Variants in GATA2 observed in about 807,000 individuals in gnomAD.
GATA2 encodes the protein endothelial transcription factor GATA-2.
A neutral mutation model predicts 35.7 loss-of-function variants in GATA2; 6 were observed. The observed-to-expected ratio is 0.17, with a 90% CI of 0.09 to 0.33. The LOEUF (loss-of-function observed/expected upper bound fraction) is 0.33, where lower values mean the gene tolerates loss of function less well. GATA2 is among the 10% of genes least tolerant of loss of function. GATA2 has a pLI of 1.00. For missense variants in GATA2, 541 were observed against 656.6 expected (o/e 0.82, Z 1.92); for synonymous variants, 313 against 274.9 (o/e 1.14, Z -1.37).
At position 128,486,951 on chromosome 3, in the gene GATA2, C is replaced by A; in HGVS notation, c.81G>T (p.Pro27=). 6.2e-7 allele frequency: 1 copy of A among 1,612,678 alleles called. No homozygotes were observed. Residue 27 remains proline (P), a synonymous_variant, in exon 2 of 6, where the codon CCG becomes CCT. Transcript: ENST00000341105. The stretch of plus-strand genomic sequence containing the variant: ...GTTCCATGTAGTTGTGCGCCAGGCC[C>A]GGGTGGTGTGAGTCGGGGTGCTGCG... ...LNAQHPDSHH[P]GLAHNYMEPA... is the part of the protein sequence containing the mutation.
At chr3:128,481,536 C>G (rs2068628235) in intron 5 of GATA2, among the ~76,000 whole-genome samples, 1 of 152,246 alleles carries the variant, frequency 6.6e-6, no homozygotes, top group Non-Finnish European at 1.5e-5. Context: ...GCTCTGCCCA[C>G]CGCATGCCAG....
At chr3:128,491,215 C>CG (rs1316353427) in intron 1 of GATA2, among the ~76,000 whole-genome samples, 1 of 122,196 alleles carries the variant, frequency 8.2e-6, no homozygotes, top group Non-Finnish European at 1.7e-5. Flanking sequence ...CCAGCCCCCC[C>CG]CCCCCTCTGA....
intron 4 of GATA2, among the ~76,000 whole-genome samples, chr3:128,482,539 A>C (rs1163715086): frequency 6.6e-6 from 1 of 152,248 alleles, no homozygotes; most frequent in African/African-American, 2.4e-5. Flanking sequence ...TGCACGAGCC[A>C]CATTTCAAGT....
At chr3:128,486,618 G>A (rs2068703196) in intron 2 of GATA2, among the ~76,000 whole-genome samples, 185 bp downstream of exon 2, 1 of 152,102 alleles carries the variant, frequency 6.6e-6, no homozygotes, top group Non-Finnish European at 1.5e-5. Flanking sequence ...GCTGGAAGTG[G>A]GCAGAAACCC....
rs1238679450 is a variant in GATA2, at chr3:128,481,081, G to A, written c.1381C>T (p.Pro461Ser). Reference protein sequence around the residue: ...HILPTPTPIHPSSSLSFGHPH... With the variant: ...HILPTPTPIHSSSSLSFGHPH... ...TGGCCGAAGGAGAGGCTGGAGGAGG[G>A]GTGGATGGGCGTCGGAGTGGGCAGG... The change falls in exon 6 of 6, where the codon CCC becomes TCC. Residue 461 changes from proline (P) to serine (S), a missense_variant. Pro to Ser is a moderately conservative substitution (Grantham distance 74). Around this residue, in one of 5 missense-constraint regions of GATA2, gnomAD observed 95 missense variants for 114.0 expected, o/e 0.83. Transcript: ENST00000341105. The A allele has an allele frequency of 6.2e-6, 10 of 1,608,140 alleles. No individual in the cohort carries two copies. Among genetic ancestry groups the A allele is most frequent in the African/African-American group, 2.7e-5 (2 of 74,868 alleles).
intron 4 of GATA2, 115 bp downstream of exon 4, chr3:128,483,745 T>C: frequency 2.2e-6 from 3 of 1,389,958 alleles, no homozygotes; most frequent in Non-Finnish European, 3.0e-6. Flanking sequence ...CTTTTCATGA[T>C]AAAAGAGGAT....
Position 128,485,970 on chromosome 3 carries a change from C to T in GATA2, c.628G>A (p.Gly210Ser), listed in dbSNP as rs765555593. Reference sequence around the variant, plus strand: ...GTCAGTGACACCTGGTACTTGACGCCGTCCTTGTCCTCTCCTCGGGCTGCA... The same window carrying T: ...GTCAGTGACACCTGGTACTTGACGCTGTCCTTGTCCTCTCCTCGGGCTGCA... ...GSAARGEDKD[G>S]VKYQVSLTES... The change falls in exon 3 of 6, where the codon GGC (glycine) becomes AGC (serine). Residue 210 changes from glycine (G) to serine (S), a missense_variant. Gly to Ser is a moderately conservative substitution (Grantham distance 56). Around this residue, in one of 5 missense-constraint regions of GATA2, gnomAD observed 389 missense variants for 396.9 expected, o/e 0.98. Coordinates refer to ENST00000341105, the MANE Select transcript of GATA2 (RefSeq NM_032638.5). 6 of 1,614,084 alleles carry T rather than the reference C, an allele frequency of 3.7e-6. No homozygotes were observed. The highest frequency in any genetic ancestry group is 2.7e-5 in the African/African-American group (2 of 74,926).
chr3:128,492,143 G>T (rs879303601), intron 1 of GATA2: 1 of 152,220 alleles, frequency 6.6e-6, no homozygotes, highest in African/African-American at 2.4e-5. Flanking sequence ...TTGTTTTCCG[G>T]TAAAGGAGCG....
chr3:128,492,438 G>A (rs1284959676), intron 1 of GATA2, among the ~76,000 whole-genome samples: 1 of 152,238 alleles, frequency 6.6e-6, no homozygotes. Context: ...AGGGCTGCGG[G>A]GCGCAGCGCG....
chr3:128,486,515 C>G, intron 2 of GATA2, 147 bp from the exon 3 acceptor site: 3 of 1,029,180 alleles, frequency 2.9e-6, no homozygotes, highest in Non-Finnish European at 1.4e-6. Flanking sequence ...AATACCCCAC[C>G]GGTAATAATC....
intron 3 of GATA2, among the ~76,000 whole-genome samples, chr3:128,485,354 A>C (rs1248935365): frequency 6.6e-6 from 1 of 152,176 alleles, no homozygotes; most frequent in African/African-American, 2.4e-5. Flanking sequence ...ACACGCTCCC[A>C]AACACATGCA....
In GATA2 at chr3:128,483,906, T is replaced by C. The variant is rs1480450110; in HGVS notation, c.971A>G (p.Lys324Arg). The change falls in exon 4 of 6, where the codon AAG becomes AGG. Residue 324 changes from lysine to arginine, a missense_variant. Around this residue, in one of 5 missense-constraint regions of GATA2, gnomAD observed 15 missense variants for 59.5 expected, o/e 0.25. Transcript: ENST00000341105. ...YLCNACGLYH[K>R]MNGQNRPLIK... ...GAGTGGTCGGTTCTGCCCATTCATC[T>C]TGTGGTAGAGGCCACAGGCATTGCA... The C allele has an allele frequency of 6.2e-7, 1 of 1,614,076 alleles. No individual in the cohort carries two copies. Among genetic ancestry groups the C allele is most frequent in the Non-Finnish European group, 8.5e-7 (1 of 1,180,046 alleles).
Position 128,480,904 on chromosome 3 carries a change from G to C in GATA2, c.*115C>G, listed in dbSNP as rs540508661. The C allele has an allele frequency of 4.1e-6, 5 of 1,217,572 alleles. No homozygotes were observed. The highest frequency in any genetic ancestry group is 5.6e-6 in the Non-Finnish European group (5 of 888,344). The allele number at this position is 1,217,572 out of a possible 1,614,324, so 75.4% of individuals were successfully genotyped here. A position where few individuals can be genotyped will look rare whatever the true frequency, so the allele number is the denominator to read the frequency against. On this transcript the variant is annotated 3_prime_UTR_variant, in exon 6 of 6. Coordinates refer to ENST00000341105, the MANE Select transcript of GATA2 (RefSeq NM_032638.5). ...TGCTGGGCGCCCTCCAGGAGAGGGGGTGCTGGGCCGAGCCGGGCTGGCAGG... is the reference window on the plus strand; with the variant it reads ...TGCTGGGCGCCCTCCAGGAGAGGGGCTGCTGGGCCGAGCCGGGCTGGCAGG...
rs1225844445 is a variant in GATA2, at chr3:128,482,992, G to A, written c.1017+868C>T. On this transcript the variant is annotated intron_variant, in intron 4 of 5. Coordinates refer to ENST00000341105, the MANE Select transcript of GATA2 (RefSeq NM_032638.5). ...GAAGGGACAGAGGGACTGCAGCCGC[G>A]GGGGCAGGGAGGGGTGAGTAAGCAG... Among the ~76,000 whole-genome samples the A allele has an allele frequency of 1.3e-5, 2 of 152,192 alleles. 1 individual carries two copies. The highest frequency in any genetic ancestry group is 4.1e-4 in the South Asian group (2 of 4,828).
At chr3:128,491,655 T>G (rs1045828155) in intron 1 of GATA2, among the ~76,000 whole-genome samples, 1 of 152,140 alleles carries the variant, frequency 6.6e-6, no homozygotes, top group Non-Finnish European at 1.5e-5. Context: ...TCGGCATCAG[T>G]GCAGGCTCTC....
At position 128,481,577 on chromosome 3, in the gene GATA2, C is replaced by G. The variant is rs367659411; in HGVS notation, c.1143+242G>C. Among the ~76,000 whole-genome samples the G allele has an allele frequency of 7.9e-4, 121 of 152,346 alleles. No homozygotes were observed. Among genetic ancestry groups the G allele is most frequent in the Non-Finnish European group, 1.4e-3 (95 of 68,036 alleles). On this transcript the variant is annotated intron_variant, in intron 5 of 5. Coordinates refer to ENST00000341105, the MANE Select transcript of GATA2 (RefSeq NM_032638.5). ...CCCAGCCAACTGAAGTCCTCCCCCC[C>G]ACCCTGACCCTTTTTAAGCAGAGAA...
At chr3:128,489,290 G>A (rs1014479737) in intron 1 of GATA2, 1 of 152,294 alleles carries the variant, frequency 6.6e-6, no homozygotes, top group Non-Finnish European at 1.5e-5. Context: ...CCAGCTCCGC[G>A]GGCGCGCCCC....
Position 128,480,280 on chromosome 3 carries a change from G to C in GATA2, c.*739C>G, listed in dbSNP as rs999197972. ...CAGGCTGTGGCTTGCGCTCAGTAAG[G>C]GGACACAGTCACAGCAGCTTCGGCC... On this transcript the variant is annotated 3_prime_UTR_variant, in exon 6 of 6. Coordinates refer to ENST00000341105, the MANE Select transcript of GATA2 (RefSeq NM_032638.5). The C allele has an allele frequency of 3.9e-5, 9 of 233,312 alleles. No homozygotes were observed. Among genetic ancestry groups the C allele is most frequent in the African/African-American group, 2.0e-4 (9 of 45,476 alleles). 14.5% of individuals were successfully genotyped at this position (233,312 alleles called of 1,614,324 possible). A position where few individuals can be genotyped will look rare whatever the true frequency, so the allele number is the denominator to read the frequency against.
In GATA2 at chr3:128,486,969, G is replaced by A. The variant is rs535362527; in HGVS notation, c.63C>T (p.His21=). The A allele has an allele frequency of 2.7e-5, 43 of 1,611,312 alleles. No homozygotes were observed. The highest frequency in any genetic ancestry group is 2.6e-5 in the Non-Finnish European group (31 of 1,178,912). ...MAHPAVLNAQ[H]PDSHHPGLAH... is the part of the protein sequence containing the mutation. ...CCAGGCCCGGGTGGTGTGAGTCGGG[G>A]TGCTGCGCATTCAGCACGGCCGGGT... is the stretch of plus-strand genomic sequence containing the variant. Residue 21 remains histidine, a synonymous_variant, in exon 2 of 6, where the codon CAC becomes CAT. Transcript: ENST00000341105.
Sources: gnomAD v4.1 joint callset for allele counts (sites outside exome capture counted in the v4.1 genomes callset) on GRCh38, gnomAD v4.1.1 for gene constraint, gnomAD v4.1.1 regional missense constraint, MANE v1.5 for transcripts, NCBI Gene and HGNC (gene_info 2026-07-23, HGNC 2026-07-21) for gene names.